Variants in CUL3 observed in about 807,000 individuals in gnomAD.
CUL3 encodes cullin-3.
In CUL3, 19 loss-of-function variants were observed where a neutral mutation model predicts 89.1. The observed-to-expected ratio is 0.21, with a 90% CI of 0.15 to 0.31. CUL3 has a LOEUF of 0.31. Ranked by LOEUF, CUL3 falls within the 10% of genes least tolerant of loss-of-function variation. The pLI, the probability that CUL3 is intolerant of heterozygous loss-of-function variation, is 1.00. For synonymous variants in CUL3, 351 were observed against 308.4 expected (o/e 1.14, Z -1.45); for missense variants, 469 against 942.3 (o/e 0.50, Z 6.58).
At chr2:224,497,696 T>A (rs1185407927) in intron 12 of CUL3, 57 bp downstream of exon 12, 2 of 1,273,918 alleles carry the variant, frequency 1.6e-6, no homozygotes, top group Non-Finnish European at 2.3e-6. Context: ...AAATCACACA[T>A]CAGCTCTAAT....
intron 1 of CUL3, among the ~76,000 whole-genome samples, chr2:224,572,340 T>G (rs1695198825): frequency 6.6e-6 from 1 of 152,064 alleles, no homozygotes; most frequent in Non-Finnish European, 1.5e-5. Context: ...ATCATCAATT[T>G]AACAGTATTA....
chr2:224,525,525 GA>G (rs1326824220), intron 3 of CUL3, among the ~76,000 whole-genome samples: 2 of 152,050 alleles, frequency 1.3e-5, no homozygotes, highest in Non-Finnish European at 2.9e-5. Context: ...TATGTATTTG[GA>G]AAAACATTTA....
intron 2 of CUL3, among the ~76,000 whole-genome samples, chr2:224,537,953 T>C (rs1237196924): frequency 6.6e-6 from 1 of 150,756 alleles, no homozygotes; most frequent in Non-Finnish European, 1.5e-5. Flanking sequence ...TATAAAAAAA[T>C]ATATCAAGTA....
chr2:224,506,205 T>C lies in CUL3; in HGVS notation c.1030-73A>G. On this transcript the variant is annotated intron_variant, in intron 7 of 15. Transcript: ENST00000264414. ...TAAATAATACACTTATGACCATGTA[T>C]GTTTATCTTAACTTTGCTGGTAATA... 4 of 1,023,146 alleles carry C rather than the reference T, an allele frequency of 3.9e-6. No individual in the cohort carries two copies. In the South Asian group the frequency reaches 8.9e-5, roughly 23 times the overall value. 63.4% of individuals were successfully genotyped at this position (1,023,146 alleles called of 1,614,324 possible).
At chr2:224,545,881 C>T (rs533996394) in intron 2 of CUL3, among the ~76,000 whole-genome samples, 4 of 152,244 alleles carry the variant, frequency 2.6e-5, no homozygotes, top group Non-Finnish European at 4.4e-5. Context: ...TAATTTGCTA[C>T]GTGTTGAAGC....
At chr2:224,525,749 T>C (rs1693450363) in intron 3 of CUL3, among the ~76,000 whole-genome samples, 1 of 152,236 alleles carries the variant, frequency 6.6e-6, no homozygotes, top group Admixed American at 6.5e-5. Context: ...AAGGCTTATA[T>C]TAACCTACTT....
At chr2:224,490,262 G>T (rs1234726427) in intron 13 of CUL3, among the ~76,000 whole-genome samples, 1 of 152,206 alleles carries the variant, frequency 6.6e-6, no homozygotes, top group Non-Finnish European at 1.5e-5. Context: ...CAAAATTAGT[G>T]AAAGTACTAA....
In CUL3 at chr2:224,551,541, C is replaced by T. The variant is rs563669548; in HGVS notation, c.264+6118G>A. ...TTTTTTTTGTAGAGACAAGGTCTCA[C>T]TATGTTGCTCAGGCTGGTCTCAAAA... On this transcript the variant is annotated intron_variant, in intron 2 of 15. Transcript: ENST00000264414. Among the ~76,000 whole-genome samples, 21 of 149,772 alleles carry T rather than the reference C, an allele frequency of 1.4e-4. No homozygotes were observed. In the South Asian group the frequency reaches 4.0e-3, roughly 29 times the overall value.
At chr2:224,568,821 T>C (rs1695110257) in intron 1 of CUL3, among the ~76,000 whole-genome samples, 1 of 152,202 alleles carries the variant, frequency 6.6e-6, no homozygotes, top group African/African-American at 2.4e-5. Flanking sequence ...TCAAATGAAA[T>C]GGGCTTCAAG....
At chr2:224,503,582 C>A in intron 9 of CUL3, 70 bp downstream of exon 9, 1 of 1,234,006 alleles carries the variant, frequency 8.1e-7, no homozygotes, top group South Asian at 1.8e-5. Context: ...AATTTCCAAT[C>A]ACGTTGTCAG....
intron 3 of CUL3, among the ~76,000 whole-genome samples, chr2:224,515,073 C>T (rs1157883638): frequency 6.6e-6 from 1 of 152,150 alleles, no homozygotes; most frequent in African/African-American, 2.4e-5. Context: ...AGTAAGGTAG[C>T]ACACTTTCTC....
chr2:224,565,298 T>C lies in CUL3; in HGVS notation c.67-7442A>G, dbSNP rs190335485. ...TTGGTATTCAATAAGTGGAAGTGGA[T>C]TGTCATAAAGGTCCCCATCCTTCTG... is the stretch of plus-strand genomic sequence containing the variant. On this transcript the variant is annotated intron_variant, in intron 1 of 15. Coordinates refer to ENST00000264414, the MANE Select transcript of CUL3 (RefSeq NM_003590.5). Among the ~76,000 whole-genome samples the C allele has an allele frequency of 1.4e-3, 218 of 152,120 alleles. 2 individuals carry two copies. Among genetic ancestry groups the C allele is most frequent in the South Asian group, 3.1e-3 (15 of 4,806 alleles).
intron 1 of CUL3, among the ~76,000 whole-genome samples, chr2:224,567,351 G>C (rs1344977469): frequency 6.6e-6 from 1 of 152,122 alleles, no homozygotes; most frequent in African/African-American, 2.4e-5. Flanking sequence ...CTGAGCAGCT[G>C]GGACTACCGT....
intron 3 of CUL3, among the ~76,000 whole-genome samples, chr2:224,517,764 A>G (rs186000172): frequency 2.0e-5 from 3 of 152,340 alleles, no homozygotes; most frequent in Admixed American, 6.5e-5. Context: ...AACTAGAGGC[A>G]TTTGTGAAGT....
chr2:224,484,348 C>G (rs140175749), intron 13 of CUL3, among the ~76,000 whole-genome samples: 1 of 152,104 alleles, frequency 6.6e-6, no homozygotes, highest in Non-Finnish European at 1.5e-5. Flanking sequence ...ATTTGTACTT[C>G]TCATGACCAC....
Position 224,497,821 on chromosome 2 carries a change from G to C in CUL3, c.1639C>G (p.Gln547Glu). The change falls in exon 12 of 16, where the codon CAG becomes GAG. Residue 547 changes from glutamine (Q) to glutamate (E), a missense_variant. Gln to Glu is a conservative substitution (Grantham distance 29, BLOSUM62 2). Around this residue, in one of 4 missense-constraint regions of CUL3, gnomAD observed 370 missense variants for 733.2 expected, o/e 0.50. Coordinates refer to ENST00000264414, the MANE Select transcript of CUL3 (RefSeq NM_003590.5). ...CCCATATGATGCTGGAGTGTGAGCT[G>C]TCGACCACTGTGTTTGGCTAAGTAG... ...RFYLAKHSGR[Q>E]LTLQHHMGSA... 6.2e-7 allele frequency: 1 copy of C among 1,613,938 alleles called. No individual in the cohort carries two copies. The highest frequency in any genetic ancestry group is 8.5e-7 in the Non-Finnish European group (1 of 1,179,840).
rs1232891115 is a variant in CUL3, at chr2:224,471,166, A to G, written c.*3079T>C. On this transcript the variant is annotated 3_prime_UTR_variant, in exon 16 of 16. Coordinates refer to ENST00000264414, the MANE Select transcript of CUL3 (RefSeq NM_003590.5). ...TTAACATTCGTATTTACAGAATGCA[A>G]AATACTATGCAACATATAGTAAAAT... 4.7e-6 allele frequency: 1 copy of G among 214,232 alleles called. No homozygotes were observed. Among genetic ancestry groups the G allele is most frequent in the Non-Finnish European group, 9.4e-6 (1 of 106,140 alleles). 13.3% of individuals were successfully genotyped at this position (214,232 alleles called of 1,614,324 possible). A position where few individuals can be genotyped will look rare whatever the true frequency, so the allele number is the denominator to read the frequency against.
chr2:224,560,576 C>T (rs546237688), intron 1 of CUL3: 5 of 153,104 alleles, frequency 3.3e-5, no homozygotes, highest in Non-Finnish European at 7.3e-5. Flanking sequence ...TACTCTCTGA[C>T]CCCACTACTA....
At chr2:224,498,125 C>A (rs1456368929) in intron 11 of CUL3, among the ~76,000 whole-genome samples, 1 of 152,126 alleles carries the variant, frequency 6.6e-6, no homozygotes, top group Non-Finnish European at 1.5e-5. Context: ...GCTGCTCAGC[C>A]CTTGCTGTTC....
Sources: gnomAD v4.1 joint callset for allele counts (sites outside exome capture counted in the v4.1 genomes callset) on GRCh38, gnomAD v4.1.1 for gene constraint, gnomAD v4.1.1 regional missense constraint, MANE v1.5 for transcripts, NCBI Gene and HGNC (gene_info 2026-07-23, HGNC 2026-07-21) for gene names.